The following ABCA13 variants were observed in gnomAD, a reference collection of about 807,000 sequenced individuals.
ABCA13 encodes ATP-binding cassette sub-family A member 13.
In ABCA13, 476 loss-of-function variants were observed where a neutral mutation model predicts 478.7. That is an observed-to-expected ratio of 0.99 (90% CI 0.92 to 1.07). The LOEUF (loss-of-function observed/expected upper bound fraction) is 1.07, where lower values mean the gene tolerates loss of function less well. Among genes scored for constraint, ABCA13 ranks in the 50% least tolerant of loss-of-function variants. The pLI is 0.00. For synonymous variants in ABCA13, 2,252 were observed against 2,158.9 expected (o/e 1.04, Z -1.20); for missense variants, 6,060 against 5,910.6 (o/e 1.03, Z -0.83).
chr7:48,349,993 T>C (rs1317181248), intron 29 of ABCA13, among the ~76,000 whole-genome samples: 2 of 152,152 alleles, frequency 1.3e-5, no homozygotes, highest in Non-Finnish European at 2.9e-5. Context: ...TCCAGCTCCT[T>C]CCTGAAACCA....
In ABCA13 at chr7:48,393,448, G is replaced by T. The variant is rs138624111; in HGVS notation, c.11873+1309G>T. On this transcript the variant is annotated intron_variant, in intron 38 of 61. Transcript: ENST00000435803. ...GGGGCCCTTGGAGGCAAGCATGTAA[G>T]TATAACTGGTAATGGACTGCACATT... Among the ~76,000 whole-genome samples the T allele has an allele frequency of 1.3e-4, 20 of 152,358 alleles. 1 individual carries two copies. The East Asian group carries it at 3.9e-3, about 29-fold the overall frequency.
intron 58 of ABCA13, 118 bp downstream of exon 58, chr7:48,594,931 A>C (rs939048815): frequency 3.7e-6 from 3 of 809,250 alleles, no homozygotes; most frequent in Non-Finnish European, 4.0e-6. Flanking sequence ...TTTACAACAC[A>C]ATAATGGTGA....
intron 55 of ABCA13, among the ~76,000 whole-genome samples, chr7:48,531,158 T>G (rs931469818): frequency 6.6e-6 from 1 of 152,184 alleles, no homozygotes; most frequent in Non-Finnish European, 1.5e-5. Flanking sequence ...CTTGAGTTGA[T>G]GTTTGTATAA....
intron 50 of ABCA13, among the ~76,000 whole-genome samples, chr7:48,509,826 G>C (rs1831520887): frequency 1.3e-5 from 2 of 152,192 alleles, no homozygotes; most frequent in South Asian, 4.1e-4. Flanking sequence ...GAGATAATTA[G>C]GTTCTGAGAA....
At chr7:48,324,347 C>T (rs1036426982) in intron 27 of ABCA13, among the ~76,000 whole-genome samples, 3 of 152,144 alleles carry the variant, frequency 2.0e-5, no homozygotes, top group Admixed American at 6.5e-5. Flanking sequence ...GAGTCCACCC[C>T]AATGACCTCA....
intron 45 of ABCA13, among the ~76,000 whole-genome samples, chr7:48,474,878 T>A (rs1396836320): frequency 6.6e-6 from 1 of 152,218 alleles, no homozygotes; most frequent in Admixed American, 6.5e-5. Flanking sequence ...TCAGAATGAT[T>A]GGTGTTTATG....
At chr7:48,464,737 G>A (rs945129955) in intron 43 of ABCA13, among the ~76,000 whole-genome samples, 1 of 101,446 alleles carries the variant, frequency 9.9e-6, no homozygotes, top group African/African-American at 4.9e-5. Context: ...ATCACAACTT[G>A]GTTCGACACA....
chr7:48,193,803 G>A (rs1327965872), intron 2 of ABCA13, among the ~76,000 whole-genome samples: 3 of 131,236 alleles, frequency 2.3e-5, no homozygotes, highest in Non-Finnish European at 5.1e-5. Flanking sequence ...TAATGGAGAT[G>A]ATGATTGGGA....
intron 8 of ABCA13, among the ~76,000 whole-genome samples, chr7:48,237,016 T>TGG (rs1790064680): frequency 2.8e-5 from 4 of 143,830 alleles, no homozygotes; most frequent in African/African-American, 1.0e-4. Flanking sequence ...GGTAGGGTTT[T>TGG]TTTTTTTTTT....
intron 59 of ABCA13, among the ~76,000 whole-genome samples, chr7:48,622,352 T>C (rs1358628770): frequency 2.0e-5 from 3 of 152,194 alleles, no homozygotes; most frequent in Admixed American, 6.5e-5. Flanking sequence ...GCTACACCTG[T>C]GCCATTTTCC....
At position 48,481,023 on chromosome 7, in the gene ABCA13, A is replaced by G. The variant is rs759045476; in HGVS notation, c.12976-13A>G. On this transcript the variant is annotated splice_polypyrimidine_tract_variant and intron_variant, in intron 45 of 61. Transcript: ENST00000435803. ...AAAAAAGTTTGTTTTTATCTTTTTG[A>G]AAACAATTTCAGAAGTGTCCAAATA... The G allele has an allele frequency of 4.1e-5, 64 of 1,551,474 alleles. No individual in the cohort carries two copies. The highest frequency in any genetic ancestry group is 4.7e-5 in the Non-Finnish European group (54 of 1,142,806).
At position 48,279,556 on chromosome 7, in the gene ABCA13, G is replaced by A. The variant is rs775628053; in HGVS notation, c.8362G>A (p.Asp2788Asn). Reference protein sequence around the residue: ...VLEASSGIKSDYEGDLNKSLY... With the variant: ...VLEASSGIKSNYEGDLNKSLY... ...AGAGGCCTCCAGTGGAATTAAAAGT[G>A]ACTATGAAGGTGATTTGAATAAAAG... Residue 2788 changes from aspartate (D) to asparagine (N), a missense_variant, in exon 18 of 62, where the codon GAC becomes AAC. Asp to Asn is a conservative substitution (Grantham distance 23). Around this residue, in one of 3 missense-constraint regions of ABCA13, gnomAD observed 4,423 missense variants for 4,309.1 expected, o/e 1.03. Transcript: ENST00000435803. 2 of 1,613,292 alleles carry A rather than the reference G, an allele frequency of 1.2e-6. No individual in the cohort carries two copies. Among genetic ancestry groups the A allele is most frequent in the African/African-American group, 2.7e-5 (2 of 74,904 alleles).
At chr7:48,633,895 CATAG>C (rs1003207698) in intron 59 of ABCA13, among the ~76,000 whole-genome samples, 2 of 143,976 alleles carry the variant, frequency 1.4e-5, no homozygotes, top group Non-Finnish European at 3.0e-5. Context: ...ACTTCTCTTT[CATAG>C]ATAGGTAGAT....
intron 32 of ABCA13, among the ~76,000 whole-genome samples, chr7:48,368,714 T>TATATATATATATATAC (rs1455176603): frequency 4.2e-5 from 5 of 118,562 alleles, no homozygotes; most frequent in African/African-American, 1.5e-4. Context: ...TATATATATA[T>TATATATATATATATAC]ACACATACAC....
intron 55 of ABCA13, among the ~76,000 whole-genome samples, chr7:48,565,648 A>G (rs1355343986): frequency 2.0e-5 from 3 of 152,122 alleles, no homozygotes; most frequent in Non-Finnish European, 4.4e-5. Flanking sequence ...AAAACAAAAC[A>G]AAACAAAAAC....
At chr7:48,430,194 T>A (rs1821950695) in intron 42 of ABCA13, among the ~76,000 whole-genome samples, 3 of 152,194 alleles carry the variant, frequency 2.0e-5, no homozygotes, top group Admixed American at 2.0e-4. Flanking sequence ...GTTTTTTAAT[T>A]ATGATTAATT....
chr7:48,396,815 C>A (rs1008207502), intron 38 of ABCA13, among the ~76,000 whole-genome samples: 1 of 152,124 alleles, frequency 6.6e-6, no homozygotes, highest in Non-Finnish European at 1.5e-5. Flanking sequence ...CAGTGGGGAA[C>A]GTGTGGATGA....
chr7:48,605,337 A>T (rs1791358668), intron 58 of ABCA13, among the ~76,000 whole-genome samples: 1 of 152,130 alleles, frequency 6.6e-6, no homozygotes, highest in African/African-American at 2.4e-5. Flanking sequence ...TGGTCTTTAC[A>T]ATTTGGTATG....
At chr7:48,446,522 T>A (rs1348023673) in intron 42 of ABCA13, among the ~76,000 whole-genome samples, 1 of 152,192 alleles carries the variant, frequency 6.6e-6, no homozygotes, top group East Asian at 1.9e-4. Context: ...TTTAATTCTC[T>A]GTATTTCATT....
Sources: gnomAD v4.1 joint callset for allele counts (sites outside exome capture counted in the v4.1 genomes callset) on GRCh38, gnomAD v4.1.1 for gene constraint, gnomAD v4.1.1 regional missense constraint, MANE v1.5 for transcripts, NCBI Gene and HGNC (gene_info 2026-07-23, HGNC 2026-07-21) for gene names.